MAP3K1: variants seen among roughly 807,000 people sequenced by gnomAD.
The protein encoded by MAP3K1 is MAP/ERK kinase kinase 1.
In MAP3K1, 36 loss-of-function variants were observed where a neutral mutation model predicts 144.2. That is an observed-to-expected ratio of 0.25 (90% CI 0.19 to 0.33). MAP3K1 has a LOEUF of 0.33. Ranked by LOEUF, MAP3K1 falls within the 10% of genes least tolerant of loss-of-function variation. MAP3K1 has a pLI of 1.00. For synonymous variants in MAP3K1, 718 were observed against 688.7 expected, an observed-to-expected ratio of 1.04 and a Z score of -0.67; for missense variants, 1,650 against 1,881.9, an observed-to-expected ratio of 0.88 and a Z score of 2.28.
At chr5:56,862,365 G>A (rs1561186744) in intron 3 of MAP3K1, among the ~76,000 whole-genome samples, 2 of 152,180 alleles carry the variant, frequency 1.3e-5, no homozygotes, top group Non-Finnish European at 2.9e-5. Context: ...CCCAAACCCA[G>A]AATTGATGTG....
chr5:56,880,633 G>C (rs909322299), intron 11 of MAP3K1, 78 bp from the exon 12 acceptor site: 1 of 903,886 alleles, frequency 1.1e-6, no homozygotes, highest in African/African-American at 1.6e-5. Flanking sequence ...TTTTCACAAG[G>C]CATTACATTA....
Position 56,840,795 on chromosome 5 carries a change from A to C in MAP3K1, c.483-15805A>C, listed in dbSNP as rs754971363. On this transcript the variant is annotated intron_variant, in intron 1 of 19. Coordinates refer to ENST00000399503, the MANE Select transcript of MAP3K1 (RefSeq NM_005921.2). Reference sequence around the variant, plus strand: ...CTTGGTCTGAGAGCCGCCATGTTTCATGTCTCATTTCAGGCTACTACTTTG... The same window carrying C: ...CTTGGTCTGAGAGCCGCCATGTTTCCTGTCTCATTTCAGGCTACTACTTTG... 1.4e-4 allele frequency among the ~76,000 whole-genome samples: 22 copies of C among 152,190 alleles called. 1 individual carries two copies. Among genetic ancestry groups the C allele is most frequent in the Middle Eastern group, 6.8e-3 (2 of 294 alleles).
At position 56,876,758 on chromosome 5, in the gene MAP3K1, A is replaced by C. The variant is rs1748045684; in HGVS notation, c.1965+1448A>C. 2.0e-5 allele frequency among the ~76,000 whole-genome samples: 3 copies of C among 152,338 alleles called. No individual in the cohort carries two copies. In the South Asian group the frequency reaches 6.2e-4, roughly 32 times the overall value. On this transcript the variant is annotated intron_variant, in intron 10 of 19. Coordinates refer to ENST00000399503, the MANE Select transcript of MAP3K1 (RefSeq NM_005921.2). ...AAATACCTTTTAGGTTTGAAATTAG[A>C]TTATGTAGAAACTTTCAACCATATG...
chr5:56,846,373 A>G (rs1391755581), intron 1 of MAP3K1, among the ~76,000 whole-genome samples: 16 of 152,224 alleles, frequency 1.1e-4, no homozygotes, highest in Non-Finnish European at 2.4e-4. Context: ...TTTTATGCCT[A>G]CACACCAAGG....
At chr5:56,872,804 T>A in intron 8 of MAP3K1, 21 bp from the exon 9 acceptor site, 1 of 1,613,776 alleles carries the variant, frequency 6.2e-7, no homozygotes, top group Admixed American at 1.7e-5. Flanking sequence ...TTAAAGCAAG[T>A]TTTGTTATTT....
At chr5:56,854,852 G>A (rs1041609790) in intron 1 of MAP3K1, among the ~76,000 whole-genome samples, 35 of 152,208 alleles carry the variant, frequency 2.3e-4, no homozygotes, top group African/African-American at 8.2e-4. Flanking sequence ...GTATAAAAAT[G>A]CACTGCAGTT....
In MAP3K1 at chr5:56,867,291, T is replaced by C. The variant is rs1579762564; in HGVS notation, c.1301+1314T>C. ...GGGGAATCACAAAAGTTATCTTGGT[T>C]ACTGAGATTGTACTGTACATACATA... On this transcript the variant is annotated intron_variant, in intron 6 of 19. Transcript: ENST00000399503. Among the ~76,000 whole-genome samples the C allele has an allele frequency of 2.6e-5, 4 of 152,348 alleles. No homozygotes were observed. The South Asian group carries it at 8.3e-4, about 32-fold the overall frequency.
intron 1 of MAP3K1, among the ~76,000 whole-genome samples, chr5:56,820,154 A>G (rs1285400519): frequency 6.6e-6 from 1 of 151,992 alleles, no homozygotes; most frequent in Non-Finnish European, 1.5e-5. Flanking sequence ...TATTATATGT[A>G]TTATATATAT....
At position 56,888,243 on chromosome 5, in the gene MAP3K1, G is replaced by A. The variant is rs1379854158; in HGVS notation, c.4275G>A (p.Gln1425=). 3 of 1,613,894 alleles carry A rather than the reference G, an allele frequency of 1.9e-6. No homozygotes were observed. The highest frequency in any genetic ancestry group is 2.2e-5 in the East Asian group (1 of 44,862). ...TATTTTAGGTACTAAGAGGTCAACA[G>A]TATGGAAGGAGCTGTGATGTATGGA... ...FMAPEVLRGQ[Q]YGRSCDVWSV... is the part of the protein sequence containing the mutation. The change falls in exon 19 of 20, where the codon CAG becomes CAA. Residue 1425 remains glutamine, a synonymous_variant. Transcript: ENST00000399503.
At position 56,859,674 on chromosome 5, in the gene MAP3K1, A is replaced by G. The variant is rs373331388; in HGVS notation, c.634-41A>G. 8.2e-5 allele frequency: 118 copies of G among 1,439,864 alleles called. 1 individual carries two copies. Among genetic ancestry groups the G allele is most frequent in the Middle Eastern group, 7.5e-4 (4 of 5,312 alleles). 89.2% of individuals were successfully genotyped at this position (1,439,864 alleles called of 1,614,324 possible). ...TGATATTTACATTTACTTACCTTTT[A>G]TATTTTTAAGTAATCAAAATATTGG... On this transcript the variant is annotated intron_variant, in intron 2 of 19. Transcript: ENST00000399503.
At chr5:56,826,618 A>T (rs1746323689) in intron 1 of MAP3K1, among the ~76,000 whole-genome samples, 1 of 152,224 alleles carries the variant, frequency 6.6e-6, no homozygotes, top group Non-Finnish European at 1.5e-5. Context: ...AAGCATCACA[A>T]GATTTATGTC....
At chr5:56,849,556 T>C (rs541360795) in intron 1 of MAP3K1, among the ~76,000 whole-genome samples, 1 of 152,328 alleles carries the variant, frequency 6.6e-6, no homozygotes, top group South Asian at 2.1e-4. Context: ...GAGCCATTTT[T>C]ATACATTGTT....
At chr5:56,872,098 A>G in intron 7 of MAP3K1, 67 bp downstream of exon 7, 1 of 1,598,736 alleles carries the variant, frequency 6.3e-7, no homozygotes, top group South Asian at 1.1e-5. Flanking sequence ...TATGTTATTT[A>G]AGAGTGTAAC....
chr5:56,862,918 C>T (rs527733397), intron 3 of MAP3K1, among the ~76,000 whole-genome samples: 5 of 152,200 alleles, frequency 3.3e-5, no homozygotes, highest in East Asian at 1.9e-4. Context: ...TTATTACGGT[C>T]GGTTTTTAAA....
Position 56,879,118 on chromosome 5 carries a change from G to T in MAP3K1, c.2087+17G>T, listed in dbSNP as rs1338692596. 1.9e-6 allele frequency: 3 copies of T among 1,613,626 alleles called. No individual in the cohort carries two copies. The highest frequency in any genetic ancestry group is 1.3e-5 in the African/African-American group (1 of 74,884). On this transcript the variant is annotated intron_variant, in intron 11 of 19. Coordinates refer to ENST00000399503, the MANE Select transcript of MAP3K1 (RefSeq NM_005921.2). ...TGCCAATAGGTAAGGCTTTATTGATGAATCACTTCAAACCCTCTTGTCTTA... is the reference window on the plus strand; with the variant it reads ...TGCCAATAGGTAAGGCTTTATTGATTAATCACTTCAAACCCTCTTGTCTTA...
At chr5:56,888,960 A>G (rs1748465578) in intron 19 of MAP3K1, among the ~76,000 whole-genome samples, 1 of 152,144 alleles carries the variant, frequency 6.6e-6, no homozygotes, top group Non-Finnish European at 1.5e-5. Context: ...ACTTCTTGTT[A>G]TTTGAGGTAG....
intron 18 of MAP3K1, chr5:56,887,841 A>G (rs1748430723): frequency 2.3e-6 from 1 of 436,762 alleles, no homozygotes; most frequent in African/African-American, 2.0e-5. Flanking sequence ...TCTCTATTCT[A>G]AAAGGAGATG....
chr5:56,841,905 T>TA (rs1177403140), intron 1 of MAP3K1: 1 of 152,108 alleles, frequency 6.6e-6, no homozygotes, highest in Non-Finnish European at 1.5e-5. Flanking sequence ...CAGTGTGGAG[T>TA]AGTAGTTCAG....
rs750250897 is a variant in MAP3K1, at chr5:56,881,805, A to G, written c.2605A>G (p.Ile869Val). The change falls in exon 14 of 20, where the codon ATC (isoleucine) becomes GTC (valine). Residue 869 changes from isoleucine to valine, a missense_variant. Transcript: ENST00000399503. ...AGATGAGGTGGAAATTGCCGAAGCC[A>G]TCCAGTTGGGCGTAGAAGACACTTT... Reference protein sequence around the residue: ...IADEVEIAEAIQLGVEDTLDG... With the variant: ...IADEVEIAEAVQLGVEDTLDG... 8.1e-6 allele frequency: 13 copies of G among 1,614,030 alleles called. No individual in the cohort carries two copies. In the Middle Eastern group the frequency reaches 8.2e-4, roughly 102 times the overall value.
Sources: gnomAD v4.1 joint callset for allele counts (sites outside exome capture counted in the v4.1 genomes callset) on GRCh38, gnomAD v4.1.1 for gene constraint, MANE v1.5 for transcripts, NCBI Gene and HGNC (gene_info 2026-07-23, HGNC 2026-07-21) for gene names.